The following MKX variants were observed in gnomAD, a reference collection of about 807,000 sequenced individuals.
MKX encodes the protein mohawk homeobox.
Under a neutral mutation model 36.0 loss-of-function variants are expected in MKX, and 13 were observed. The ratio of observed to expected loss-of-function variants is 0.36; its 90% CI spans 0.24 to 0.57. MKX has a LOEUF of 0.57. Ranked by LOEUF, MKX falls within the 20% of genes least tolerant of loss-of-function variation. The probability of loss-of-function intolerance (pLI) is 0.79; values close to 1 mark genes in which losing one functional copy is unlikely to be tolerated. For missense variants in MKX, 458 were observed against 456.4 expected, an observed-to-expected ratio of 1.00 and a Z score of -0.03; for synonymous variants, 176 against 178.3, an observed-to-expected ratio of 0.99 and a Z score of 0.10.
chr10:27,677,038 A>G (rs542724537), intron 5 of MKX, among the ~76,000 whole-genome samples: 1 of 152,302 alleles, frequency 6.6e-6, no homozygotes, highest in East Asian at 1.9e-4. Context: ...ACTGAAGGGA[A>G]AGATGTAGGG....
At chr10:27,739,567 C>T (rs1834849515) in intron 3 of MKX, among the ~76,000 whole-genome samples, 1 of 152,090 alleles carries the variant, frequency 6.6e-6, no homozygotes, top group Non-Finnish European at 1.5e-5. Flanking sequence ...TTTGAACTAT[C>T]ATTACAGGTG....
In MKX at chr10:27,675,415, G is replaced by A. The variant is rs533166982; in HGVS notation, c.873C>T (p.Ser291=). ...TGCTTGGTCCTTTTCTGTTAGCTGC[G>A]CTGGAGTTAAGCAAAACAGAAAGTA... The part of the protein sequence containing the change: ...TLENGSNKGE[S]AANRKGPSKD... Residue 291 remains serine, a splice_region_variant and synonymous_variant, in exon 7 of 7, where the codon AGC becomes AGT. Coordinates refer to ENST00000419761, the MANE Select transcript of MKX (RefSeq NM_173576.3). The A allele has an allele frequency of 5.6e-6, 9 of 1,614,000 alleles. No homozygotes were observed. The African/African-American group carries it at 6.7e-5, about 12-fold the overall frequency.
chr10:27,731,961 C>T (rs1373042571), intron 5 of MKX, among the ~76,000 whole-genome samples: 1 of 146,322 alleles, frequency 6.8e-6, no homozygotes, highest in African/African-American at 2.5e-5. Context: ...TTACCAATTA[C>T]TCTGTCTCAT....
rs749757379 is a variant in MKX at position 27,711,429 on chromosome 10, CTCTTTCTT to C, written c.838+23019_838+23026del. 4.4e-3 allele frequency among the ~76,000 whole-genome samples: 509 copies of C among 114,594 alleles called. 4 individuals carry two copies. The highest frequency in any genetic ancestry group is 8.9e-3 in the African/African-American group (235 of 26,262). The allele number at this position is 114,594 out of a possible 152,430, so 75.2% of individuals were successfully genotyped here. A position where few individuals can be genotyped will look rare whatever the true frequency, so the allele number is the denominator to read the frequency against. ...CTTTCCTTCTTTCTTTCTTTCTTTTCTCTTTCTTTCTTTCTTTCTTTCTTTCTTTCTTT... is the reference window on the plus strand; with the variant it reads ...CTTTCCTTCTTTCTTTCTTTCTTTTCTCTTTCTTTCTTTCTTTCTTTCTTT... On this transcript the variant is annotated intron_variant, in intron 5 of 6. Transcript: ENST00000419761.
At chr10:27,721,260 GA>G (rs11337542) in intron 5 of MKX, among the ~76,000 whole-genome samples, 134,856 of 147,130 alleles carry the variant, frequency 0.92, 61,719 homozygotes, top group East Asian at 1. Context: ...AGAATATTTT[GA>G]AAAAAAAAAA....
intron 5 of MKX, among the ~76,000 whole-genome samples, chr10:27,710,302 T>G (rs1002283950): frequency 3.3e-5 from 5 of 152,224 alleles, no homozygotes; most frequent in Admixed American, 1.3e-4. Context: ...TAGGGCTTGA[T>G]TTGTGGCCAC....
In MKX at chr10:27,674,873, T is replaced by C; in HGVS notation, c.*356A>G. 1 of 174,324 alleles carries C rather than the reference T, an allele frequency of 5.7e-6. No individual in the cohort carries two copies. Among genetic ancestry groups the C allele is most frequent in the Non-Finnish European group, 1.2e-5 (1 of 81,640 alleles). 10.8% of individuals were successfully genotyped at this position (174,324 alleles called of 1,614,324 possible). On this transcript the variant is annotated 3_prime_UTR_variant, in exon 7 of 7. Transcript: ENST00000419761. ...TTCAGTCCTGGAATGATTAGGCCCG[T>C]CTGGAATGATGCACACAGGCTAATA...
In MKX at chr10:27,741,580, C is replaced by A; in HGVS notation, c.189-76G>T. ...CCGGACGCTCCACGCCCCGGCCAAG[C>A]CCGGGCCCCGCATCCAAACTGCGCA... On this transcript the variant is annotated intron_variant, in intron 2 of 6. Coordinates refer to ENST00000419761, the MANE Select transcript of MKX (RefSeq NM_173576.3). The surrounding 1 kb of genome is among the most constrained non-coding windows in gnomAD (Gnocchi z 5.1). 2 of 1,468,966 alleles carry A rather than the reference C, an allele frequency of 1.4e-6. No homozygotes were observed. The highest frequency in any genetic ancestry group is 1.8e-6 in the Non-Finnish European group (2 of 1,114,268). The allele number at this position is 1,468,966 out of a possible 1,614,324, so 91.0% of individuals were successfully genotyped here. A position where few individuals can be genotyped will look rare whatever the true frequency, so the allele number is the denominator to read the frequency against.
At chr10:27,711,915 A>C (rs1462426957) in intron 5 of MKX, among the ~76,000 whole-genome samples, 1 of 151,926 alleles carries the variant, frequency 6.6e-6, no homozygotes, top group Non-Finnish European at 1.5e-5. Context: ...ATTTCCCATA[A>C]AGGACAAGAA....
chr10:27,735,851 G>A (rs1173369427), intron 3 of MKX, among the ~76,000 whole-genome samples: 1 of 152,122 alleles, frequency 6.6e-6, no homozygotes, highest in Non-Finnish European at 1.5e-5. Flanking sequence ...AGAGGACACA[G>A]GAACAAATAG....
Position 27,744,312 on chromosome 10 carries a change from C to T in MKX, c.-82-815G>A, listed in dbSNP as rs1834997143. 6.6e-6 allele frequency among the ~76,000 whole-genome samples: 1 copy of T among 152,110 alleles called. No homozygotes were observed. Among genetic ancestry groups the T allele is most frequent in the Non-Finnish European group, 1.5e-5 (1 of 68,006 alleles). On this transcript the variant is annotated intron_variant, in intron 1 of 6. Coordinates refer to ENST00000419761, the MANE Select transcript of MKX (RefSeq NM_173576.3). The surrounding 1 kb of genome is among the most constrained non-coding windows in gnomAD (Gnocchi z 5.6). Reference sequence around the variant, plus strand: ...CCGCAGCGCGGGTGTCAGCCGCGAGCTCGTAGCCCCTCGACACCCGCCTCT... The same window carrying T: ...CCGCAGCGCGGGTGTCAGCCGCGAGTTCGTAGCCCCTCGACACCCGCCTCT...
Position 27,741,100 on chromosome 10 carries a change from T to TTC in MKX, c.348+243_348+244dup. Among the ~76,000 whole-genome samples the TTC allele has an allele frequency of 6.6e-6, 1 of 152,210 alleles. No individual in the cohort carries two copies. The highest frequency in any genetic ancestry group is 6.5e-5 in the Admixed American group (1 of 15,284). On this transcript the variant is annotated intron_variant, in intron 3 of 6. Coordinates refer to ENST00000419761, the MANE Select transcript of MKX (RefSeq NM_173576.3). This position sits in a 1 kb window ranked among gnomAD's most constrained non-coding sequence, Gnocchi z 5.1. ...TTCTGATGCTCACTAATGTTGAACC[T>TTC]TCTCGTAAGTCTGCAGTTTACTTTT... is the stretch of plus-strand genomic sequence containing the variant.
At chr10:27,684,697 T>C (rs1907372) in intron 5 of MKX, among the ~76,000 whole-genome samples, 137,945 of 152,094 alleles carry the variant, frequency 0.91, 62,927 homozygotes, top group East Asian at 0.98. Context: ...AAATCCAGCT[T>C]CATCCAACTT....
Position 27,683,690 on chromosome 10 carries a change from G to A in MKX, c.839-8136C>T, listed in dbSNP as rs78207279. 8.1e-3 allele frequency among the ~76,000 whole-genome samples: 1,232 copies of A among 152,344 alleles called. 11 individuals carry two copies. Among genetic ancestry groups the A allele is most frequent in the Non-Finnish European group, 0.011 (769 of 68,034 alleles). On this transcript the variant is annotated intron_variant, in intron 5 of 6. Coordinates refer to ENST00000419761, the MANE Select transcript of MKX (RefSeq NM_173576.3). ...GGTGTGCAGAGCCTGCGTCTAGTGT[G>A]TTACTGACCTCAGAAGTCCAGAGAG...
chr10:27,723,058 A>G, intron 5 of MKX, among the ~76,000 whole-genome samples: 1 of 152,244 alleles, frequency 6.6e-6, no homozygotes, highest in Admixed American at 6.5e-5. Context: ...CTTCAATCAT[A>G]GTAACCATGA....
chr10:27,724,237 T>A (rs929321627), intron 5 of MKX, among the ~76,000 whole-genome samples: 1 of 152,164 alleles, frequency 6.6e-6, no homozygotes, highest in African/African-American at 2.4e-5. Flanking sequence ...AAGATGTACA[T>A]CTTCATCACT....
At chr10:27,715,371 A>C (rs1836945149) in intron 5 of MKX, among the ~76,000 whole-genome samples, 1 of 152,158 alleles carries the variant, frequency 6.6e-6, no homozygotes, top group Admixed American at 6.5e-5. Context: ...TCACAGTGGC[A>C]CTCCGGGAGA....
chr10:27,675,036 A>G lies in MKX; in HGVS notation c.*193T>C, dbSNP rs1195491173. The G allele has an allele frequency of 1.0e-5, 5 of 494,374 alleles. No homozygotes were observed. Among genetic ancestry groups the G allele is most frequent in the African/African-American group, 3.9e-5 (2 of 51,316 alleles). 30.6% of individuals were successfully genotyped at this position (494,374 alleles called of 1,614,324 possible). On this transcript the variant is annotated 3_prime_UTR_variant, in exon 7 of 7. Transcript: ENST00000419761. ...AGTTTGAGTAACATAAAATAAGTTA[A>G]TATTTTTGATTAAAATGAGTTTTTT...
At chr10:27,745,029 CA>C (rs1195319415) in intron 1 of MKX, 1 of 152,332 alleles carries the variant, frequency 6.6e-6, no homozygotes. Flanking sequence ...GTTCTACAGT[CA>C]AGACTCGCGT....
Sources: gnomAD v4.1 joint callset for allele counts (sites outside exome capture counted in the v4.1 genomes callset) on GRCh38, gnomAD v4.1.1 for gene constraint, Gnocchi (gnomAD v3.1) non-coding constraint, MANE v1.5 for transcripts, NCBI Gene and HGNC (gene_info 2026-07-23, HGNC 2026-07-21) for gene names.